TBCK: variants seen among roughly 807,000 people sequenced by gnomAD.
TBCK encodes TBC1 domain containing kinase.
In TBCK, 99 loss-of-function variants were observed where a neutral mutation model predicts 113.4. The ratio of observed to expected loss-of-function variants is 0.87; its 90% CI spans 0.74 to 1.03. TBCK has a LOEUF of 1.03. TBCK is among the 50% of genes least tolerant of loss of function. TBCK has a pLI of 0.00. For missense variants in TBCK, 1,045 were observed against 1,061.3 expected (o/e 0.98, Z 0.21); for synonymous variants, 369 against 370.8 (o/e 1.00, Z 0.05).
intron 25 of TBCK, among the ~76,000 whole-genome samples, chr4:106,072,278 T>A (rs1737557936): frequency 2.0e-5 from 3 of 152,234 alleles, no homozygotes; most frequent in Non-Finnish European, 1.5e-5. Context: ...GGGGCTCTTG[T>A]AAGGTAGGCC....
chr4:106,106,833 G>C (rs1742219972), intron 24 of TBCK, among the ~76,000 whole-genome samples: 1 of 152,004 alleles, frequency 6.6e-6, no homozygotes, highest in African/African-American at 2.4e-5. Context: ...CCACTTAAAA[G>C]GTAGAGTGGC....
At chr4:106,312,502 G>A (rs1255199893) in intron 1 of TBCK, among the ~76,000 whole-genome samples, 2 of 152,100 alleles carry the variant, frequency 1.3e-5, no homozygotes, top group Non-Finnish European at 2.9e-5. Context: ...TATTGCTAGT[G>A]GGAGCGTAAA....
At chr4:106,086,446 T>C (rs1045295811) in intron 25 of TBCK, among the ~76,000 whole-genome samples, 5 of 152,110 alleles carry the variant, frequency 3.3e-5, no homozygotes, top group African/African-American at 1.2e-4. Context: ...ATTAATAGCC[T>C]ACCAACCAAA....
intron 23 of TBCK, among the ~76,000 whole-genome samples, chr4:106,152,016 T>G (rs1748551013): frequency 6.6e-6 from 1 of 152,030 alleles, no homozygotes; most frequent in Non-Finnish European, 1.5e-5. Context: ...TAAAAGATCA[T>G]GTCATCTTCA....
At chr4:106,272,630 T>C (rs1459528264) in intron 3 of TBCK, among the ~76,000 whole-genome samples, 2 of 151,786 alleles carry the variant, frequency 1.3e-5, no homozygotes, top group Non-Finnish European at 2.9e-5. Flanking sequence ...TGGCTGGGAC[T>C]ACAGGCGCAT....
intron 20 of TBCK, among the ~76,000 whole-genome samples, chr4:106,207,934 C>T (rs1218505421): frequency 1.3e-5 from 2 of 152,090 alleles, no homozygotes; most frequent in African/African-American, 2.4e-5. Flanking sequence ...GTGACAGAAC[C>T]GTTTGCTAGA....
chr4:106,236,480 C>T lies in TBCK; in HGVS notation c.1260G>A (p.Leu420=), dbSNP rs1400204291. 1 of 1,576,438 alleles carries T rather than the reference C, an allele frequency of 6.3e-7. No individual in the cohort carries two copies. The highest frequency in any genetic ancestry group is 2.3e-5 in the East Asian group (1 of 43,502). The change falls in exon 14 of 26, where the codon TTG becomes TTA. Residue 420 remains leucine, a synonymous_variant. Transcript: ENST00000394708. ...NLPHSNSNNE[L]SAAATLPLII... is the part of the protein sequence containing the mutation. ...TTAAAGGGAGCGTGGCAGCTGCAGACAACTCATTATTGCTGTTTGAATGAG... is the reference window on the plus strand; with the variant it reads ...TTAAAGGGAGCGTGGCAGCTGCAGATAACTCATTATTGCTGTTTGAATGAG...
At chr4:106,313,380 G>C (rs1457793639) in intron 1 of TBCK, among the ~76,000 whole-genome samples, 8 of 148,064 alleles carry the variant, frequency 5.4e-5, no homozygotes, top group Admixed American at 5.3e-4. Flanking sequence ...TCAAAAAAAA[G>C]GAAAAAAAAA....
At chr4:106,316,636 A>G (rs748381891), upstream of TBCK, 1 of 1,544,108 alleles carries the variant, frequency 6.5e-7, no homozygotes, top group Non-Finnish European at 8.8e-7. Context: ...GGGATCGCCG[A>G]TTGCGATCGT....
chr4:106,153,641 G>A (rs1748778857), intron 23 of TBCK, among the ~76,000 whole-genome samples: 1 of 152,090 alleles, frequency 6.6e-6, no homozygotes, highest in Non-Finnish European at 1.5e-5. Flanking sequence ...TCTGGAAGAT[G>A]TATCCAGTGC....
At chr4:106,109,931 T>G (rs1056435572) in intron 24 of TBCK, among the ~76,000 whole-genome samples, 2 of 152,174 alleles carry the variant, frequency 1.3e-5, no homozygotes, top group Non-Finnish European at 2.9e-5. Context: ...GGAAAAGCAT[T>G]TGGCTGAAGG....
chr4:106,259,630 CAT>C (rs902073120), intron 5 of TBCK, among the ~76,000 whole-genome samples: 3 of 151,838 alleles, frequency 2.0e-5, no homozygotes, highest in African/African-American at 7.2e-5. Context: ...CACATACACA[CAT>C]ATATGCTCGG....
At chr4:106,246,047 G>C (rs1267518632) in intron 10 of TBCK, among the ~76,000 whole-genome samples, 1 of 152,116 alleles carries the variant, frequency 6.6e-6, no homozygotes, top group South Asian at 2.1e-4. Flanking sequence ...CACATGGGGA[G>C]GCAACCAACA....
At chr4:106,139,789 G>A (rs1746981655) in intron 23 of TBCK, among the ~76,000 whole-genome samples, 1 of 140,442 alleles carries the variant, frequency 7.1e-6, no homozygotes, top group African/African-American at 2.5e-5. Flanking sequence ...AAATTGGTTG[G>A]TACACATTTT....
intron 3 of TBCK, among the ~76,000 whole-genome samples, chr4:106,294,485 C>CT (rs147484754): frequency 0.18 from 26,024 of 141,726 alleles, 2,351 homozygotes; most frequent in South Asian, 0.25. Flanking sequence ...GGAAAATAAT[C>CT]TTTTTTTTTT....
intron 19 of TBCK, among the ~76,000 whole-genome samples, chr4:106,214,011 C>T (rs1292779747): frequency 1.3e-5 from 2 of 152,180 alleles, no homozygotes; most frequent in Non-Finnish European, 1.5e-5. Context: ...CAGCATGCAG[C>T]TGGAGGTCTG....
intron 23 of TBCK, among the ~76,000 whole-genome samples, chr4:106,154,899 C>A (rs1263889481): frequency 6.6e-6 from 1 of 151,912 alleles, no homozygotes; most frequent in Non-Finnish European, 1.5e-5. Flanking sequence ...AGTTTACACA[C>A]CAGAGTCACA....
chr4:106,131,217 T>A (rs1321913351), intron 23 of TBCK, among the ~76,000 whole-genome samples: 2 of 152,248 alleles, frequency 1.3e-5, no homozygotes, highest in Non-Finnish European at 2.9e-5. Flanking sequence ...CCTTCCACCA[T>A]GACAGGCCTC....
chr4:106,279,526 T>A (rs1764369113), intron 3 of TBCK, among the ~76,000 whole-genome samples: 1 of 152,178 alleles, frequency 6.6e-6, no homozygotes, highest in Non-Finnish European at 1.5e-5. Flanking sequence ...AGTCACAATG[T>A]TGTGCTATTA....
Sources: allele counts gnomAD v4.1 joint callset (sites outside exome capture counted in the v4.1 genomes callset), GRCh38; gene constraint gnomAD v4.1.1; transcripts MANE v1.5; gene names NCBI Gene and HGNC (gene_info 2026-07-23, HGNC 2026-07-21).